The following MOSPD2 variants were observed in gnomAD, a reference collection of about 807,000 sequenced individuals.
The protein encoded by MOSPD2 is motile sperm domain containing 2, also known as motile sperm domain-containing protein 2.
A neutral mutation model predicts 41.7 loss-of-function variants in MOSPD2; 5 were observed. The ratio of observed to expected loss-of-function variants is 0.12; its 90% CI spans 0.06 to 0.25. The LOEUF (loss-of-function observed/expected upper bound fraction) is 0.25, where lower values mean the gene tolerates loss of function less well. MOSPD2 is among the 10% of genes least tolerant of loss of function. The pLI, the probability that MOSPD2 is intolerant of heterozygous loss-of-function variation, is 1.00. For synonymous variants in MOSPD2, 115 were observed against 126.9 expected, an observed-to-expected ratio of 0.91 and a Z score of 0.63; for missense variants, 282 against 375.2, an observed-to-expected ratio of 0.75 and a Z score of 2.05.
chrX:14,889,523 C>T (rs1160851841), intron 2 of MOSPD2, among the ~76,000 whole-genome samples: 1 of 107,224 alleles, frequency 9.3e-6, no homozygotes, highest in Non-Finnish European at 1.9e-5. Context: ...CTGTCTCTCC[C>T]CCTCTCTTCC....
Position 14,920,221 on chromosome X carries a change from G to T in MOSPD2, c.*412G>T, listed in dbSNP as rs916540127. 6.7e-6 allele frequency: 5 copies of T among 750,923 alleles called. No homozygotes were observed. The African/African-American group carries it at 1.2e-4, about 17-fold the overall frequency. 61.9% of individuals were successfully genotyped at this position (750,923 alleles called of 1,213,427 possible). A position where few individuals can be genotyped will look rare whatever the true frequency, so the allele number is the denominator to read the frequency against. The stretch of plus-strand genomic sequence containing the variant: ...TTTTTATGACAGAATTATTATAGCT[G>T]AGCTGACTTACTAGCTTTTCTATAC... On this transcript the variant is annotated 3_prime_UTR_variant, in exon 15 of 15. Coordinates refer to ENST00000380492, the MANE Select transcript of MOSPD2 (RefSeq NM_152581.4).
intron 2 of MOSPD2, among the ~76,000 whole-genome samples, chrX:14,876,373 ATATT>A (rs2092520178): frequency 1.8e-5 from 2 of 112,027 alleles, no homozygotes; most frequent in Non-Finnish European, 3.8e-5. Context: ...CTAAAGGAAA[ATATT>A]TATTTTCTGC....
intron 8 of MOSPD2, among the ~76,000 whole-genome samples, chrX:14,909,947 T>G (rs1452000751): frequency 9.0e-6 from 1 of 111,123 alleles, no homozygotes; most frequent in Non-Finnish European, 1.9e-5. Context: ...TGATTTTATT[T>G]ATTTTTAATA....
At chrX:14,906,779 CT>C (rs2092582931) in intron 7 of MOSPD2, among the ~76,000 whole-genome samples, 1 of 111,805 alleles carries the variant, frequency 8.9e-6, no homozygotes. Context: ...AATCCTAGCA[CT>C]TTGGGAGGCC....
chrX:14,915,640 G>A, intron 11 of MOSPD2, 28 bp from the exon 12 acceptor site: 1 of 1,125,028 alleles, frequency 8.9e-7, no homozygotes, highest in South Asian at 1.9e-5. Context: ...CATAAAGGTT[G>A]TTATGTGACT....
intron 2 of MOSPD2, 144 bp from the exon 3 acceptor site, chrX:14,892,579 C>T (rs1227506701): frequency 8.8e-6 from 4 of 452,159 alleles, no homozygotes; most frequent in South Asian, 4.1e-5. Context: ...TTTTAAATGG[C>T]GCTTTTATCT....
At chrX:14,915,904 T>G in intron 12 of MOSPD2, 140 bp downstream of exon 12, 4 of 598,349 alleles carry the variant, frequency 6.7e-6, no homozygotes, top group Non-Finnish European at 1.1e-5. Flanking sequence ...CACCTCGCTG[T>G]AGACATCTTT....
chrX:14,883,063 T>C (rs1248938722), intron 2 of MOSPD2, among the ~76,000 whole-genome samples: 1 of 110,330 alleles, frequency 9.1e-6, no homozygotes, highest in Admixed American at 9.6e-5. Context: ...GTCGTGGTGG[T>C]GGGTGCCTGT....
At chrX:14,893,055 G>A (rs1410010690) in intron 3 of MOSPD2, 177 bp downstream of exon 3, 3 of 348,829 alleles carry the variant, frequency 8.6e-6, no homozygotes, top group African/African-American at 7.8e-5. Flanking sequence ...CTTTTAAGTG[G>A]GATCATTCAT....
chrX:14,888,312 G>C (rs1030628893), intron 2 of MOSPD2, among the ~76,000 whole-genome samples: 12 of 108,524 alleles, frequency 1.1e-4, no homozygotes, highest in Non-Finnish European at 2.1e-4. Context: ...ATCTCATCTT[G>C]AATTATAACT....
intron 2 of MOSPD2, among the ~76,000 whole-genome samples, chrX:14,875,107 TG>T (rs2147474849): frequency 8.9e-6 from 1 of 112,060 alleles, no homozygotes; most frequent in Admixed American, 9.4e-5. Context: ...AAGGTCATCT[TG>T]GGGCAACCTC....
At chrX:14,910,326 GT>G (rs1038051460) in intron 8 of MOSPD2, among the ~76,000 whole-genome samples, 2 of 110,878 alleles carry the variant, frequency 1.8e-5, no homozygotes, top group African/African-American at 6.6e-5. Context: ...ATCTATTACA[GT>G]TTTTTACACA....
rs766202732 is a variant in MOSPD2 at position 14,914,572 on chromosome X, T to C, written c.1062T>C (p.Asn354=). 1.7e-6 allele frequency: 2 copies of C among 1,152,148 alleles called. No homozygotes were observed. 94.9% of individuals were successfully genotyped at this position (1,152,148 alleles called of 1,213,427 possible). The change falls in exon 11 of 15, where the codon AAT becomes AAC. Residue 354 remains asparagine, a synonymous_variant. Coordinates refer to ENST00000380492, the MANE Select transcript of MOSPD2 (RefSeq NM_152581.4). ...GEKKTLIVLT[N]VTKNIVAFKV... ...AGAAAACCTTAATAGTGTTGACAAA[T>C]GTAACTAAAAATATAGTGGCATTTA...
intron 3 of MOSPD2, 161 bp downstream of exon 3, chrX:14,893,039 A>G (rs1419655239): frequency 5.2e-5 from 20 of 386,616 alleles, no homozygotes; most frequent in Non-Finnish European, 7.9e-5. Context: ...GGAACAGCTT[A>G]TAAGTCTTTT....
chrX:14,919,092 T>C (rs2092604998), intron 14 of MOSPD2, among the ~76,000 whole-genome samples: 1 of 110,948 alleles, frequency 9.0e-6, no homozygotes, highest in Non-Finnish European at 1.9e-5. Context: ...GTGGCACACA[T>C]CTATAGTCCC....
intron 2 of MOSPD2, among the ~76,000 whole-genome samples, chrX:14,890,968 GA>G: frequency 8.9e-6 from 1 of 112,120 alleles, no homozygotes; most frequent in Non-Finnish European, 1.9e-5. Flanking sequence ...AAAAAAATGA[GA>G]AGGAATAGAT....
intron 3 of MOSPD2, among the ~76,000 whole-genome samples, chrX:14,894,798 A>G (rs1250401611): frequency 1.8e-5 from 2 of 111,199 alleles, no homozygotes; most frequent in Admixed American, 9.7e-5. Context: ...TTTTAAATGC[A>G]TTAAAGTCTA....
At chrX:14,896,223 C>T (rs1222266767) in intron 4 of MOSPD2, among the ~76,000 whole-genome samples, 1 of 110,604 alleles carries the variant, frequency 9.0e-6, no homozygotes, top group Non-Finnish European at 1.9e-5. Flanking sequence ...ACACCATCCC[C>T]AGGCCACATG....
intron 6 of MOSPD2, among the ~76,000 whole-genome samples, chrX:14,901,291 T>C (rs1311204830): frequency 9.0e-6 from 1 of 111,253 alleles, no homozygotes; most frequent in Non-Finnish European, 1.9e-5. Flanking sequence ...CCAACTCACA[T>C]AAACAGTCAA....
Sources: gnomAD v4.1 joint callset for allele counts (sites outside exome capture counted in the v4.1 genomes callset) on GRCh38, gnomAD v4.1.1 for gene constraint, MANE v1.5 for transcripts, NCBI Gene and HGNC (gene_info 2026-07-23, HGNC 2026-07-21) for gene names.